DNAJC21: variants seen among roughly 807,000 people sequenced by gnomAD.
The protein encoded by DNAJC21 is dnaJ homolog subfamily C member 21.
DNAJC21 carries 63 observed loss-of-function variants against 72.4 expected under a neutral mutation model. The ratio of observed to expected loss-of-function variants is 0.87; its 90% confidence interval spans 0.71 to 1.07. The LOEUF (loss-of-function observed/expected upper bound fraction) is 1.07. Among genes scored for constraint, DNAJC21 ranks in the 50% least tolerant of loss-of-function variants. The probability of loss-of-function intolerance (pLI) is 0.00; values close to 1 mark genes in which losing one functional copy is unlikely to be tolerated. For synonymous variants in DNAJC21, 203 were observed against 216.7 expected, an observed-to-expected ratio of 0.94 and a Z score of 0.56; for missense variants, 634 against 644.8, an observed-to-expected ratio of 0.98 and a Z score of 0.18.
Position 34,935,730 on chromosome 5 carries a change from C to T in DNAJC21, c.212C>T (p.Ala71Val). 6.2e-7 allele frequency: 1 copy of T among 1,613,898 alleles called. No individual in the cohort carries two copies. Among genetic ancestry groups the T allele is most frequent in the South Asian group, 1.1e-5 (1 of 91,064 alleles). Residue 71 changes from alanine (A) to valine (V), a missense_variant, in exon 3 of 12, where the codon GCC (alanine) becomes GTC (valine). Ala to Val is a moderately conservative substitution (Grantham distance 64). Transcript: ENST00000648817. ...ERAWYDNHRE[A>V]LLKGGFDGEY... ...TTCAGGTATGATAATCATAGAGAGG[C>T]CCTACTTAAAGGTGGGTTTGATGGC...
chr5:34,950,116 G>C, intron 9 of DNAJC21, 54 bp from the exon 10 acceptor site: 1 of 1,517,544 alleles, frequency 6.6e-7, no homozygotes, highest in Non-Finnish European at 8.8e-7. Flanking sequence ...AACATAAAAA[G>C]CTAGTAGTAG....
intron 10 of DNAJC21, 79 bp from the exon 11 acceptor site, chr5:34,953,847 T>G (rs914669478): frequency 5.5e-5 from 51 of 928,672 alleles, no homozygotes; most frequent in Non-Finnish European, 7.6e-5. Flanking sequence ...CTTTTTTGAG[T>G]GTTCTAGAGA....
intron 7 of DNAJC21, among the ~76,000 whole-genome samples, chr5:34,942,884 C>G (rs1376852696): frequency 2.0e-5 from 3 of 152,278 alleles, no homozygotes; most frequent in Non-Finnish European, 2.9e-5. Flanking sequence ...GCCTGACCAA[C>G]ATGGAGAAAC....
At chr5:34,948,281 G>A (rs1015398315) in intron 9 of DNAJC21, among the ~76,000 whole-genome samples, 8 of 152,298 alleles carry the variant, frequency 5.3e-5, no homozygotes, top group East Asian at 1.9e-4. Flanking sequence ...TAATGCACAC[G>A]TTTTGGTTTT....
rs1458703085 is a variant in DNAJC21 at position 34,929,750 on chromosome 5, C to T, written c.-70C>T. 2 of 803,748 alleles carry T rather than the reference C, an allele frequency of 2.5e-6. No individual in the cohort carries two copies. 49.8% of individuals were successfully genotyped at this position (803,748 alleles called of 1,614,324 possible). Reference sequence around the variant, plus strand: ...AGGACTGCCAGCGCCGCCGCCGCCGCCGCTTCGGCCCGGGCCCGGGCCCCG... The same window carrying T: ...AGGACTGCCAGCGCCGCCGCCGCCGTCGCTTCGGCCCGGGCCCGGGCCCCG... On this transcript the variant is annotated 5_prime_UTR_variant, in exon 1 of 12. Transcript: ENST00000648817.
At chr5:34,953,844 G>T (rs901993250) in intron 10 of DNAJC21, 82 bp from the exon 11 acceptor site, 71 of 890,924 alleles carry the variant, frequency 8.0e-5, no homozygotes, top group Non-Finnish European at 1.1e-4. Context: ...TCACTTTTTT[G>T]AGTGTTCTAG....
At chr5:34,950,634 G>T (rs926815403) in intron 10 of DNAJC21, 1 of 1,038,506 alleles carries the variant, frequency 9.6e-7, no homozygotes, top group African/African-American at 1.7e-5. Context: ...TGATTTTGTC[G>T]TGGATCATTA....
intron 2 of DNAJC21, among the ~76,000 whole-genome samples, chr5:34,934,879 A>C (rs990442990): frequency 6.6e-6 from 1 of 152,224 alleles, no homozygotes; most frequent in African/African-American, 2.4e-5. Flanking sequence ...AGAAACTCAG[A>C]GAGAGGATCC....
At chr5:34,935,866 T>C (rs760904385) in intron 3 of DNAJC21, 33 bp downstream of exon 3, 1 of 1,612,452 alleles carries the variant, frequency 6.2e-7, no homozygotes, top group South Asian at 1.1e-5. Context: ...TGATTTCTCA[T>C]CAAGTACTTC....
rs1765606368 is a variant in DNAJC21, at chr5:34,958,869, C to CT, written c.*4156dup. The stretch of plus-strand genomic sequence containing the variant: ...TATGTTAAAAAAATAAGAAGAATGA[C>CT]TATTTTTCAAAACAAAAAATGAGAA... On this transcript the variant is annotated 3_prime_UTR_variant, in exon 12 of 12. Transcript: ENST00000648817. 1 of 152,154 alleles carries CT rather than the reference C, an allele frequency of 6.6e-6. No homozygotes were observed. The highest frequency in any genetic ancestry group is 1.5e-5 in the Non-Finnish European group (1 of 68,018). 9.4% of individuals were successfully genotyped at this position (152,154 alleles called of 1,614,324 possible).
rs1227049540 is a variant in DNAJC21, at chr5:34,945,784, A to G, written c.1166A>G (p.Lys389Arg). Residue 389 changes from lysine (K) to arginine (R), a missense_variant, in exon 9 of 12, where the codon AAG becomes AGG. Transcript: ENST00000648817. ...KQKLSKKQKK[K>R]KQKPAQNYDD... is the part of the protein sequence containing the mutation. ...AGGCTTTCTAAAAAACAGAAGAAAA[A>G]GAAACAGAAACCAGCACAGGTATGT... is the stretch of plus-strand genomic sequence containing the variant. 2 of 1,596,546 alleles carry G rather than the reference A, an allele frequency of 1.3e-6. No individual in the cohort carries two copies. The highest frequency in any genetic ancestry group is 1.4e-5 in the African/African-American group (1 of 73,714).
At position 34,941,118 on chromosome 5, in the gene DNAJC21, G is replaced by A; in HGVS notation, c.918G>A (p.Glu306=). Residue 306 remains glutamate, a synonymous_variant, in exon 7 of 12, where the codon GAG becomes GAA. Transcript: ENST00000648817. The part of the protein sequence containing the change: ...EEDGKDSDEA[E]DAELYDDLYC... ...TAGGTAAAGACAGTGATGAGGCCGA[G>A]GACGCTGAGCTCTATGATGACCTTT... The A allele has an allele frequency of 6.2e-7, 1 of 1,614,116 alleles. No individual in the cohort carries two copies. Among genetic ancestry groups the A allele is most frequent in the Non-Finnish European group, 8.5e-7 (1 of 1,179,986 alleles).
intron 5 of DNAJC21, 147 bp from the exon 6 acceptor site, chr5:34,938,711 G>C (rs981506411): frequency 1.1e-5 from 9 of 830,920 alleles, no homozygotes; most frequent in Non-Finnish European, 1.5e-5. Flanking sequence ...CTTTGCCTTG[G>C]TTTTAACTAA....
chr5:34,944,047 CA>C (rs1765089201), intron 7 of DNAJC21, among the ~76,000 whole-genome samples: 1 of 152,126 alleles, frequency 6.6e-6, no homozygotes, highest in South Asian at 2.1e-4. Flanking sequence ...ACTATAATAC[CA>C]AAAGCCTGAA....
chr5:34,947,062 T>C (rs762270351), intron 9 of DNAJC21, among the ~76,000 whole-genome samples: 1 of 152,140 alleles, frequency 6.6e-6, no homozygotes, highest in African/African-American at 2.4e-5. Context: ...AGAAATGTAC[T>C]GATAGATTTA....
At position 34,939,420 on chromosome 5, in the gene DNAJC21, C is replaced by T. The variant is rs565750870; in HGVS notation, c.895+411C>T. Among the ~76,000 whole-genome samples, 916 of 152,216 alleles carry T rather than the reference C, an allele frequency of 6.0e-3. 9 individuals are homozygous for T. Among genetic ancestry groups the T allele is most frequent in the African/African-American group, 0.021 (873 of 41,538 alleles). On this transcript the variant is annotated intron_variant, in intron 6 of 11. Coordinates refer to ENST00000648817, the MANE Select transcript of DNAJC21 (RefSeq NM_001012339.3). The stretch of plus-strand genomic sequence containing the variant: ...AGCTGGGACTACAGGCGCCCGCCAC[C>T]GCGCCCGGCTAATTTTTTGTATTTT...
intron 7 of DNAJC21, 48 bp downstream of exon 7, chr5:34,941,231 T>C: frequency 6.6e-7 from 1 of 1,513,840 alleles, no homozygotes; most frequent in Non-Finnish European, 9.1e-7. Context: ...AGGGTCTCAC[T>C]CTGTCACCAA....
chr5:34,942,157 C>T (rs1765017360), intron 7 of DNAJC21, among the ~76,000 whole-genome samples: 1 of 152,138 alleles, frequency 6.6e-6, no homozygotes, highest in African/African-American at 2.4e-5. Flanking sequence ...CATCTCCCTC[C>T]ATCATTGGTG....
rs566686882 is a variant in DNAJC21, at chr5:34,949,367, T to C, written c.1186-803T>C. ...GGAGCTGCTCTAGAATAAAGGAGAT[T>C]AAAGGTACCTGACAACTAAATGCAA... On this transcript the variant is annotated intron_variant, in intron 9 of 11. Transcript: ENST00000648817. Among the ~76,000 whole-genome samples the C allele has an allele frequency of 2.6e-5, 4 of 152,120 alleles. No individual in the cohort carries two copies. In the East Asian group the frequency reaches 7.7e-4, roughly 29 times the overall value.
Sources: gnomAD v4.1 joint callset for allele counts (sites outside exome capture counted in the v4.1 genomes callset) on GRCh38, gnomAD v4.1.1 for gene constraint, MANE v1.5 for transcripts, NCBI Gene and HGNC (gene_info 2026-07-23, HGNC 2026-07-21) for gene names.